The following CUX2 variants were observed in gnomAD, a reference collection of about 807,000 sequenced individuals.
CUX2 encodes the protein cut like homeobox 2, also known as homeobox protein cut-like 2.
In CUX2, 40 loss-of-function variants were observed where a neutral mutation model predicts 144.8. That is an observed-to-expected ratio of 0.28 (90% CI 0.21 to 0.36). The LOEUF (loss-of-function observed/expected upper bound fraction) is 0.36, where lower values mean the gene tolerates loss of function less well. Ranked by LOEUF, CUX2 falls within the 10% of genes least tolerant of loss-of-function variation. CUX2 has a pLI of 1.00. For synonymous variants in CUX2, 827 were observed against 875.6 expected (o/e 0.94, Z 0.98); for missense variants, 1,615 against 1,994.0 (o/e 0.81, Z 3.62).
chr12:111,166,713 C>T lies in CUX2; in HGVS notation c.64-47487C>T, dbSNP rs539269563. The stretch of plus-strand genomic sequence containing the variant: ...TGCAGAGGCTAAACGTGGAAGGGGC[C>T]GGTGTTTGGTCCCTGAGAGTGGACC... On this transcript the variant is annotated intron_variant, in intron 1 of 21. Transcript: ENST00000261726. Among the ~76,000 whole-genome samples the T allele has an allele frequency of 1.1e-3, 160 of 152,272 alleles. 2 individuals are homozygous for T. Among genetic ancestry groups the T allele is most frequent in the African/African-American group, 3.4e-3 (141 of 41,558 alleles).
intron 3 of CUX2, among the ~76,000 whole-genome samples, chr12:111,227,240 G>A (rs562902495): frequency 4.6e-5 from 7 of 152,296 alleles, no homozygotes; most frequent in East Asian, 1.9e-4. Context: ...TGTCAGGAGC[G>A]GCACTGAATT....
In CUX2 at chr12:111,068,302, G is replaced by A. The variant is rs576184126; in HGVS notation, c.63+34062G>A. 6.6e-6 allele frequency among the ~76,000 whole-genome samples: 1 copy of A among 152,108 alleles called. No individual in the cohort carries two copies. Among genetic ancestry groups the A allele is most frequent in the Non-Finnish European group, 1.5e-5 (1 of 68,022 alleles). ...CTTTCTTTCTTGGATTTGCTCTGGG[G>A]TTGGCTTCCTCGAACCAAAATAACT... On this transcript the variant is annotated intron_variant, in intron 1 of 21. Transcript: ENST00000261726. This position sits in a 1 kb window ranked among gnomAD's most constrained non-coding sequence, Gnocchi z 4.9.
chr12:111,318,055 TTTGTTGTTG>T (rs574274806), intron 16 of CUX2, among the ~76,000 whole-genome samples: 1 of 151,310 alleles, frequency 6.6e-6, no homozygotes, highest in Non-Finnish European at 1.5e-5. Flanking sequence ...TGGACTTGTT[TTTGTTGTTG>T]TTGTTGTTGT....
intron 1 of CUX2, among the ~76,000 whole-genome samples, chr12:111,212,315 C>T (rs1881278025): frequency 6.6e-6 from 1 of 152,186 alleles, no homozygotes; most frequent in African/African-American, 2.4e-5. Flanking sequence ...CTGGAAGCCC[C>T]CATGTACTTT....
Position 111,320,865 on chromosome 12 carries a change from A to G in CUX2, c.2766+90A>G. On this transcript the variant is annotated intron_variant, in intron 17 of 21. Transcript: ENST00000261726. The surrounding 1 kb of genome is among the most constrained non-coding windows in gnomAD (Gnocchi z 8.1). ...CACCCAAGCAGGCTGGCGGGACCCCAGGGGCCCAGGCCCTTCATTCCTGAG... is the reference window on the plus strand; with the variant it reads ...CACCCAAGCAGGCTGGCGGGACCCCGGGGGCCCAGGCCCTTCATTCCTGAG... 7.5e-7 allele frequency: 1 copy of G among 1,334,522 alleles called. No homozygotes were observed. The highest frequency in any genetic ancestry group is 9.7e-7 in the Non-Finnish European group (1 of 1,025,936). 82.7% of individuals were successfully genotyped at this position (1,334,522 alleles called of 1,614,324 possible).
intron 1 of CUX2, among the ~76,000 whole-genome samples, chr12:111,123,174 C>A (rs2136099187): frequency 6.6e-6 from 1 of 152,256 alleles, no homozygotes; most frequent in Admixed American, 6.5e-5. Flanking sequence ...GCTTACCCGG[C>A]ATATAGTTTC....
At chr12:111,261,675 C>A (rs2136288949) in intron 3 of CUX2, among the ~76,000 whole-genome samples, 1 of 152,206 alleles carries the variant, frequency 6.6e-6, no homozygotes, top group Middle Eastern at 3.4e-3. Context: ...CCGAGGTGGG[C>A]AGATCACTTG....
At position 111,269,347 on chromosome 12, in the gene CUX2, A is replaced by G. The variant is rs370169456; in HGVS notation, c.301+5508A>G. Among the ~76,000 whole-genome samples, 256 of 152,330 alleles carry G rather than the reference A, an allele frequency of 1.7e-3. 5 individuals are homozygous for G. In the South Asian group the frequency reaches 0.052, roughly 31 times the overall value. Reference sequence around the variant, plus strand: ...GGGAGGAAAGGTTATTGGAGCAAAAAGATACTTCATCAGTGAGACCCCCCT... The same window carrying G: ...GGGAGGAAAGGTTATTGGAGCAAAAGGATACTTCATCAGTGAGACCCCCCT... On this transcript the variant is annotated intron_variant, in intron 4 of 21. Transcript: ENST00000261726.
intron 1 of CUX2, among the ~76,000 whole-genome samples, chr12:111,188,266 G>A (rs1259806823): frequency 3.9e-5 from 6 of 152,232 alleles, no homozygotes; most frequent in African/African-American, 1.2e-4. Context: ...AAGAGCAGGT[G>A]AGAAATGGCG....
At chr12:111,192,267 C>T (rs1879936296) in intron 1 of CUX2, among the ~76,000 whole-genome samples, 1 of 152,034 alleles carries the variant, frequency 6.6e-6, no homozygotes, top group South Asian at 2.1e-4. Context: ...GCTAGGACTA[C>T]AAGCACACAC....
intron 1 of CUX2, among the ~76,000 whole-genome samples, chr12:111,075,042 C>G (rs1307361216): frequency 6.6e-6 from 1 of 152,172 alleles, no homozygotes; most frequent in Non-Finnish European, 1.5e-5. Context: ...CAGGCCTGGC[C>G]GAGTCACACC....
At chr12:111,225,755 T>G (rs1307851814) in intron 3 of CUX2, among the ~76,000 whole-genome samples, 1 of 152,232 alleles carries the variant, frequency 6.6e-6, no homozygotes, top group Non-Finnish European at 1.5e-5. Context: ...TAGATGTTTC[T>G]TTGCTGAACT....
In CUX2 at chr12:111,198,738, A is replaced by G. The variant is rs530644434; in HGVS notation, c.64-15462A>G. On this transcript the variant is annotated intron_variant, in intron 1 of 21. Coordinates refer to ENST00000261726, the MANE Select transcript of CUX2 (RefSeq NM_015267.4). ...AGGGCCCTGCTGAGAAGGTGGCAGC[A>G]CTGGGGGGGATGGGGAGGGATTGCA... is the stretch of plus-strand genomic sequence containing the variant. 3.0e-4 allele frequency among the ~76,000 whole-genome samples: 46 copies of G among 152,354 alleles called. 1 individual carries two copies. The Middle Eastern group carries it at 0.014, about 45-fold the overall frequency.
intron 1 of CUX2, among the ~76,000 whole-genome samples, chr12:111,043,937 G>A (rs1438215732): frequency 6.6e-6 from 1 of 152,260 alleles, no homozygotes; most frequent in Middle Eastern, 3.4e-3. Flanking sequence ...CCCGTGCTGC[G>A]CTGGAAATCC....
intron 1 of CUX2, among the ~76,000 whole-genome samples, chr12:111,130,118 G>A (rs991481436): frequency 2.0e-5 from 3 of 152,152 alleles, no homozygotes; most frequent in Non-Finnish European, 2.9e-5. Flanking sequence ...CCTTTGTGGG[G>A]GGCTGGGAGA....
At position 111,037,325 on chromosome 12, in the gene CUX2, G is replaced by A. The variant is rs1230588605; in HGVS notation, c.63+3085G>A. Among the ~76,000 whole-genome samples the A allele has an allele frequency of 6.6e-6, 1 of 152,220 alleles. No homozygotes were observed. The highest frequency in any genetic ancestry group is 2.4e-5 in the African/African-American group (1 of 41,446). On this transcript the variant is annotated intron_variant, in intron 1 of 21. Transcript: ENST00000261726. This position sits in a 1 kb window ranked among gnomAD's most constrained non-coding sequence, Gnocchi z 5.4. ...CCCCAGGCCATACCACGTCGCTGAC[G>A]CCATACCGATCCTGGCAAGAAAGGT...
chr12:111,341,491 C>T (rs367702666), intron 20 of CUX2, among the ~76,000 whole-genome samples: 2 of 152,112 alleles, frequency 1.3e-5, no homozygotes, highest in East Asian at 1.9e-4. Flanking sequence ...TGTAGAGCAC[C>T]CTGTTTCAAG....
At chr12:111,250,163 A>G (rs1184914316) in intron 3 of CUX2, among the ~76,000 whole-genome samples, 1 of 152,134 alleles carries the variant, frequency 6.6e-6, no homozygotes, top group East Asian at 1.9e-4. Context: ...TCAGGGAATC[A>G]CAGCACATTC....
At chr12:111,152,045 G>A (rs1353684314) in intron 1 of CUX2, among the ~76,000 whole-genome samples, 1 of 152,138 alleles carries the variant, frequency 6.6e-6, no homozygotes, top group African/African-American at 2.4e-5. Context: ...AGCACTTTGG[G>A]AGACTGAGGC....
Sources: allele counts gnomAD v4.1 joint callset (sites outside exome capture counted in the v4.1 genomes callset), GRCh38; gene constraint gnomAD v4.1.1; non-coding constraint Gnocchi (gnomAD v3.1); transcripts MANE v1.5; gene names NCBI Gene and HGNC (gene_info 2026-07-23, HGNC 2026-07-21).